The following ATP6V0D1 variants were observed in gnomAD, a reference collection of about 807,000 sequenced individuals.
ATP6V0D1 encodes the protein V-type proton ATPase subunit d 1.
In ATP6V0D1, 13 loss-of-function variants were observed where a neutral mutation model predicts 39.0. The ratio of observed to expected loss-of-function variants is 0.33; its 90% confidence interval spans 0.22 to 0.53. ATP6V0D1 has a LOEUF of 0.53. Among genes scored for constraint, ATP6V0D1 ranks in the 20% least tolerant of loss-of-function variants. ATP6V0D1 has a pLI of 0.94. For missense variants in ATP6V0D1, 272 were observed against 470.9 expected (o/e 0.58, Z 3.91); for synonymous variants, 191 against 191.2 (o/e 1.00, Z 0.01).
At chr16:67,443,676 C>T (rs1378935412) in intron 3 of ATP6V0D1, among the ~76,000 whole-genome samples, 1 of 152,186 alleles carries the variant, frequency 6.6e-6, no homozygotes, top group Non-Finnish European at 1.5e-5. Flanking sequence ...GAAAGAGAGG[C>T]CAGAGCAGGA....
chr16:67,457,519 G>A, intron 1 of ATP6V0D1: 1 of 1,243,240 alleles, frequency 8.0e-7, no homozygotes, highest in South Asian at 1.3e-5. Context: ...GCCAGGGCAT[G>A]CCTTCTTCCC....
In ATP6V0D1 at chr16:67,453,891, C is replaced by T. The variant is rs930528459; in HGVS notation, c.131-176G>A. ...CTACCACAGGGCAATCAGCTAAGGC[C>T]CTGGAGATGCACCAGATCTTTGGGC... On this transcript the variant is annotated intron_variant, in intron 1 of 7. Transcript: ENST00000290949. This position sits in a 1 kb window ranked among gnomAD's most constrained non-coding sequence, Gnocchi z 4.1. 6.6e-6 allele frequency among the ~76,000 whole-genome samples: 1 copy of T among 152,144 alleles called. No homozygotes were observed. The highest frequency in any genetic ancestry group is 1.5e-5 in the Non-Finnish European group (1 of 68,032).
At chr16:67,457,543 G>C in intron 1 of ATP6V0D1, 2 of 1,285,974 alleles carry the variant, frequency 1.6e-6, no homozygotes, top group South Asian at 1.2e-5. Flanking sequence ...CTCGGAGGCA[G>C]CCTGAACACT....
At chr16:67,461,749 T>C (rs2041290904) in intron 1 of ATP6V0D1, among the ~76,000 whole-genome samples, 1 of 152,178 alleles carries the variant, frequency 6.6e-6, no homozygotes, top group Admixed American at 6.5e-5. Context: ...TCTGCAGAGA[T>C]GGTCCAGCTG....
chr16:67,449,669 G>C (rs754266776), intron 2 of ATP6V0D1, among the ~76,000 whole-genome samples: 7 of 152,152 alleles, frequency 4.6e-5, no homozygotes, highest in Non-Finnish European at 1.0e-4. Context: ...ACCTGATCCT[G>C]GAGTCCTCCC....
intron 1 of ATP6V0D1, chr16:67,457,776 T>TGCTGCATTCTGCTGAC (rs1314071310): frequency 2.0e-6 from 1 of 510,300 alleles, no homozygotes; most frequent in Non-Finnish European, 3.5e-6. Flanking sequence ...GTGCCTTGGC[T>TGCTGCATTCTGCTGAC]GCTGCATTCT....
At chr16:67,464,993 G>A (rs970169655) in intron 1 of ATP6V0D1, among the ~76,000 whole-genome samples, 8 of 152,222 alleles carry the variant, frequency 5.3e-5, no homozygotes, top group African/African-American at 1.9e-4. Flanking sequence ...GGAGTTGCTA[G>A]GTTTGGACAC....
chr16:67,457,955 C>T (rs890835699), intron 1 of ATP6V0D1, among the ~76,000 whole-genome samples: 1 of 152,174 alleles, frequency 6.6e-6, no homozygotes, highest in Admixed American at 6.5e-5. Context: ...TTTTTAAAAG[C>T]CCCCAGGGAC....
chr16:67,471,876 A>T (rs979581274), intron 1 of ATP6V0D1, among the ~76,000 whole-genome samples: 1 of 151,952 alleles, frequency 6.6e-6, no homozygotes, highest in African/African-American at 2.4e-5. Context: ...TCCTGGGCTC[A>T]AGTGATGCTC....
intron 1 of ATP6V0D1, chr16:67,457,582 C>T: frequency 7.8e-7 from 1 of 1,289,620 alleles, no homozygotes; most frequent in Non-Finnish European, 1.0e-6. Flanking sequence ...CATGGACCAT[C>T]AGCACTGTCA....
At chr16:67,474,598 T>C (rs576966145) in intron 1 of ATP6V0D1, among the ~76,000 whole-genome samples, 19 of 152,348 alleles carry the variant, frequency 1.2e-4, no homozygotes, top group African/African-American at 4.1e-4. Flanking sequence ...TTTGGCCTTT[T>C]TGGCAGGACC....
chr16:67,454,272 G>GA (rs1042516785), intron 1 of ATP6V0D1, among the ~76,000 whole-genome samples: 4 of 152,216 alleles, frequency 2.6e-5, no homozygotes, highest in Admixed American at 1.3e-4. Flanking sequence ...AAGTACAAAG[G>GA]AAACAGCCAG....
chr16:67,444,084 G>A lies in ATP6V0D1; in HGVS notation c.481+444C>T, dbSNP rs2041086634. On this transcript the variant is annotated intron_variant, in intron 3 of 7. Coordinates refer to ENST00000290949, the MANE Select transcript of ATP6V0D1 (RefSeq NM_004691.5). The surrounding 1 kb of genome is among the most constrained non-coding windows in gnomAD (Gnocchi z 4.8). ...GGATGCTGTCTGACCTGGCCCAGGG[G>A]ACCTGCTCGGTGGAGGGAAGTGGCA... Among the ~76,000 whole-genome samples, 1 of 152,238 alleles carries A rather than the reference G, an allele frequency of 6.6e-6. No individual in the cohort carries two copies. The highest frequency in any genetic ancestry group is 2.1e-4 in the South Asian group (1 of 4,834).
intron 1 of ATP6V0D1, among the ~76,000 whole-genome samples, chr16:67,470,925 T>C (rs181546921): frequency 1.1e-3 from 171 of 152,096 alleles, no homozygotes; most frequent in African/African-American, 1.9e-3. Context: ...TGGTCCTTCA[T>C]CCCCCCTCAT....
intron 4 of ATP6V0D1, 63 bp from the exon 5 acceptor site, chr16:67,439,414 A>C: frequency 6.7e-7 from 1 of 1,493,614 alleles, no homozygotes. Context: ...TGCTAGGCAC[A>C]AGCCCTCACA....
At chr16:67,439,438 C>CT in intron 4 of ATP6V0D1, 87 bp from the exon 5 acceptor site, 1 of 1,274,766 alleles carries the variant, frequency 7.8e-7, no homozygotes. Flanking sequence ...CCCTCCTCCC[C>CT]TCCCTAGCCC....
intron 2 of ATP6V0D1, among the ~76,000 whole-genome samples, chr16:67,446,251 G>A (rs1212148154): frequency 6.6e-6 from 1 of 152,104 alleles, no homozygotes; most frequent in African/African-American, 2.4e-5. Flanking sequence ...GGAGGAAAAG[G>A]CCCCAGCTCC....
chr16:67,463,449 T>G (rs2041305028), intron 1 of ATP6V0D1, among the ~76,000 whole-genome samples: 1 of 152,076 alleles, frequency 6.6e-6, no homozygotes, highest in Non-Finnish European at 1.5e-5. Context: ...GAGGATCACT[T>G]GAGCCCAGGA....
chr16:67,444,384 A>C lies in ATP6V0D1; in HGVS notation c.481+144T>G. ...AAGTGAGGAGAGAATCGGAGGAGGA[A>C]GTTGAAGGGAGACAAAGGTAAGCAG... On this transcript the variant is annotated intron_variant, in intron 3 of 7. Coordinates refer to ENST00000290949, the MANE Select transcript of ATP6V0D1 (RefSeq NM_004691.5). This position sits in a 1 kb window ranked among gnomAD's most constrained non-coding sequence, Gnocchi z 4.8. The C allele has an allele frequency of 1.2e-6, 1 of 823,466 alleles. No individual in the cohort carries two copies. The highest frequency in any genetic ancestry group is 1.8e-6 in the Non-Finnish European group (1 of 548,164). 51.0% of individuals were successfully genotyped at this position (823,466 alleles called of 1,614,324 possible).
Sources: allele counts gnomAD v4.1 joint callset (sites outside exome capture counted in the v4.1 genomes callset), GRCh38; gene constraint gnomAD v4.1.1; non-coding constraint Gnocchi (gnomAD v3.1); transcripts MANE v1.5; gene names NCBI Gene and HGNC (gene_info 2026-07-23, HGNC 2026-07-21).